The following CCDC186 variants were observed in gnomAD, a reference collection of about 807,000 sequenced individuals.
The protein encoded by CCDC186 is coiled-coil domain containing 186, also known as coiled-coil domain-containing protein 186.
In CCDC186, 49 loss-of-function variants were observed where a neutral mutation model predicts 113.7. The ratio of observed to expected loss-of-function variants is 0.43; its 90% confidence interval spans 0.34 to 0.55. The LOEUF (loss-of-function observed/expected upper bound fraction) is 0.55. CCDC186 is among the 20% of genes least tolerant of loss of function. The pLI is 0.02. For missense variants in CCDC186, 890 were observed against 1,011.1 expected (o/e 0.88, Z 1.62); for synonymous variants, 355 against 345.8 (o/e 1.03, Z -0.30).
At chr10:114,133,816 G>A (rs2031169342) in intron 10 of CCDC186, among the ~76,000 whole-genome samples, 1 of 152,196 alleles carries the variant, frequency 6.6e-6, no homozygotes, top group South Asian at 2.1e-4. Context: ...CATAGGAAGT[G>A]AGGAAACGGA....
At chr10:114,173,384 G>A (rs1021079188) in intron 1 of CCDC186, 2 of 313,426 alleles carry the variant, frequency 6.4e-6, no homozygotes, top group Non-Finnish European at 1.3e-5. Context: ...AAGGGTTTTT[G>A]TTTTGTTTTT....
intron 11 of CCDC186, 60 bp downstream of exon 11, chr10:114,131,869 T>C (rs1461884476): frequency 6.9e-6 from 10 of 1,448,796 alleles, no homozygotes; most frequent in Non-Finnish European, 9.2e-6. Flanking sequence ...TTTATACTGT[T>C]AGGGAAATTT....
In CCDC186 at chr10:114,149,826, C is replaced by CAGGA. The variant is rs1256884667; in HGVS notation, c.888+1262_888+1265dup. Among the ~76,000 whole-genome samples the CAGGA allele has an allele frequency of 3.8e-3, 435 of 114,592 alleles. 13 individuals are homozygous for CAGGA. The highest frequency in any genetic ancestry group is 0.017 in the African/African-American group (418 of 24,942). 75.2% of individuals were successfully genotyped at this position (114,592 alleles called of 152,430 possible). A position where few individuals can be genotyped will look rare whatever the true frequency, so the allele number is the denominator to read the frequency against. ...GAAGGAAGGAAGGAAGGCAGGAAGG[C>CAGGA]AGGAAGGCAGGAAGGCAGGCAGGCA... is the stretch of plus-strand genomic sequence containing the variant. On this transcript the variant is annotated intron_variant, in intron 4 of 15. Coordinates refer to ENST00000369287, the MANE Select transcript of CCDC186 (RefSeq NM_018017.4).
intron 10 of CCDC186, among the ~76,000 whole-genome samples, chr10:114,132,608 T>C (rs1188631785): frequency 6.6e-6 from 1 of 152,212 alleles, no homozygotes; most frequent in Non-Finnish European, 1.5e-5. Flanking sequence ...CTATGAAAAC[T>C]GCCACAGATA....
At chr10:114,149,569 G>A (rs868075728) in intron 4 of CCDC186, among the ~76,000 whole-genome samples, 16 of 12,252 alleles carry the variant, frequency 1.3e-3, no homozygotes, top group South Asian at 7.0e-3. Context: ...AAAGGAAAGG[G>A]AAGGGAAGGG....
chr10:114,143,405 T>C (rs1350950845), intron 6 of CCDC186, among the ~76,000 whole-genome samples: 2 of 152,204 alleles, frequency 1.3e-5, no homozygotes, highest in South Asian at 2.1e-4. Context: ...TGAGAATCAT[T>C]ACTGTTTTTA....
At chr10:114,129,666 A>G (rs921432802) in intron 13 of CCDC186, among the ~76,000 whole-genome samples, 1 of 152,030 alleles carries the variant, frequency 6.6e-6, no homozygotes, top group African/African-American at 2.4e-5. Context: ...AGTAGCTGGG[A>G]TTGCAGGCGT....
chr10:114,129,196 AAGTGCCTAT>A (rs1262401044), intron 13 of CCDC186, among the ~76,000 whole-genome samples: 1 of 152,118 alleles, frequency 6.6e-6, no homozygotes, highest in Non-Finnish European at 1.5e-5. Context: ...GCGTGGTGGC[AAGTGCCTAT>A]AGTTCCGGTT....
At position 114,132,105 on chromosome 10, in the gene CCDC186, C is replaced by G; in HGVS notation, c.1735G>C (p.Glu579Gln). Residue 579 changes from glutamate to glutamine, a missense_variant, in exon 11 of 16, where the codon GAA (glutamate) becomes CAA (glutamine). Coordinates refer to ENST00000369287, the MANE Select transcript of CCDC186 (RefSeq NM_018017.4). ...TCAGATTCTCTTTTCCTACTGCCTT[C>G]GATGTCTTTTTGTAGGTCATTAATC... ...SLINDLQKDI[E>Q]GSRKRESELL... The G allele has an allele frequency of 6.2e-7, 1 of 1,613,252 alleles. No homozygotes were observed. Among genetic ancestry groups the G allele is most frequent in the Non-Finnish European group, 8.5e-7 (1 of 1,179,642 alleles).
chr10:114,172,202 A>T (rs1341380358), intron 1 of CCDC186, among the ~76,000 whole-genome samples: 1 of 152,248 alleles, frequency 6.6e-6, no homozygotes, highest in African/African-American at 2.4e-5. Flanking sequence ...TTGAGAAACT[A>T]GTGCAGATTA....
Position 114,121,101 on chromosome 10 carries a change from A to G in CCDC186, c.*4042T>C, listed in dbSNP as rs1391981618. On this transcript the variant is annotated 3_prime_UTR_variant, in exon 16 of 16. Coordinates refer to ENST00000369287, the MANE Select transcript of CCDC186 (RefSeq NM_018017.4). ...AAAAGAATTCCATTCCAGAAGAAAA[A>G]TACATCTCTAATATACAATTATATT... 6.6e-6 allele frequency: 1 copy of G among 152,160 alleles called. No individual in the cohort carries two copies. Among genetic ancestry groups the G allele is most frequent in the South Asian group, 2.1e-4 (1 of 4,836 alleles). The allele number at this position is 152,160 out of a possible 1,614,324, so 9.4% of individuals were successfully genotyped here.
chr10:114,129,139 C>CA (rs1229052195), intron 13 of CCDC186, among the ~76,000 whole-genome samples: 2 of 151,826 alleles, frequency 1.3e-5, no homozygotes, highest in East Asian at 1.9e-4. Context: ...CTTGTCTATA[C>CA]AAAAAACAAA....
chr10:114,136,164 T>G lies in CCDC186; in HGVS notation c.1409A>C (p.Lys470Thr). ...ACTACTCACCTCTAGCTGGTCAGAT[T>G]TTTCTTGCATTTGTTTTTCAAGTTC... is the stretch of plus-strand genomic sequence containing the variant. ...KGELEKQMQE[K>T]SDQLEMHHAK... The change falls in exon 8 of 16, where the codon AAA (lysine) becomes ACA (threonine). Residue 470 changes from lysine to threonine, a missense_variant. Physicochemically the swap from Lys to Thr is moderately conservative, Grantham distance 78. Coordinates refer to ENST00000369287, the MANE Select transcript of CCDC186 (RefSeq NM_018017.4). 1 of 1,612,880 alleles carries G rather than the reference T, an allele frequency of 6.2e-7. No individual in the cohort carries two copies. The highest frequency in any genetic ancestry group is 8.5e-7 in the Non-Finnish European group (1 of 1,179,478).
intron 10 of CCDC186, among the ~76,000 whole-genome samples, chr10:114,134,101 T>C (rs1589610574): frequency 2.0e-5 from 3 of 152,172 alleles, no homozygotes; most frequent in Admixed American, 1.3e-4. Flanking sequence ...TCTTCCATGA[T>C]AACAGCAGAA....
At position 114,162,004 on chromosome 10, in the gene CCDC186, G is replaced by T. The variant is rs577857485; in HGVS notation, c.632+633C>A. On this transcript the variant is annotated intron_variant, in intron 2 of 15. Coordinates refer to ENST00000369287, the MANE Select transcript of CCDC186 (RefSeq NM_018017.4). ...AAACTCAGCAACAGAAAGTAGAATG[G>T]TGGTTGCCAGGGACTGAGGGCAAGT... 1.2e-4 allele frequency: 18 copies of T among 152,234 alleles called. No individual in the cohort carries two copies. In the South Asian group the frequency reaches 3.7e-3, roughly 32 times the overall value. 9.4% of individuals were successfully genotyped at this position (152,234 alleles called of 1,614,324 possible).
intron 4 of CCDC186, among the ~76,000 whole-genome samples, chr10:114,150,727 C>T (rs889658226): frequency 1.3e-5 from 2 of 152,160 alleles, no homozygotes; most frequent in African/African-American, 2.4e-5. Flanking sequence ...CGGCTCACTG[C>T]AACCTCCGCC....
rs879313007 is a variant in CCDC186 at position 114,162,799 on chromosome 10, G to A, written c.470C>T (p.Ser157Leu). The A allele has an allele frequency of 4.3e-6, 7 of 1,613,834 alleles. No homozygotes were observed. In the Admixed American group the frequency reaches 1.2e-4, roughly 27 times the overall value. Reference protein sequence around the residue: ...KKFISKIKSVSASEDLLEEIE... With the variant: ...KKFISKIKSVLASEDLLEEIE... Reference sequence around the variant, plus strand: ...TTCTTCCAACAAATCCTCTGATGCTGAAACGCTCTTTATTTTTGAAATAAA... The same window carrying A: ...TTCTTCCAACAAATCCTCTGATGCTAAAACGCTCTTTATTTTTGAAATAAA... The change falls in exon 2 of 16, where the codon TCA (serine) becomes TTA (leucine). Residue 157 changes from serine to leucine, a missense_variant. Transcript: ENST00000369287.
intron 12 of CCDC186, 126 bp from the exon 13 acceptor site, chr10:114,130,097 C>G: frequency 1.4e-6 from 1 of 708,532 alleles, no homozygotes; most frequent in Non-Finnish European, 2.4e-6. Context: ...TGAATACATA[C>G]TTTAGGCAGA....
At position 114,124,713 on chromosome 10, in the gene CCDC186, T is replaced by C. The variant is rs1473922395; in HGVS notation, c.*430A>G. 1 of 153,798 alleles carries C rather than the reference T, an allele frequency of 6.5e-6. No individual in the cohort carries two copies. The highest frequency in any genetic ancestry group is 1.4e-5 in the Non-Finnish European group (1 of 69,174). 9.5% of individuals were successfully genotyped at this position (153,798 alleles called of 1,614,324 possible). On this transcript the variant is annotated 3_prime_UTR_variant, in exon 16 of 16. Transcript: ENST00000369287. ...AAATAAACATTTTTATCATTTGTTT[T>C]AGTTGTCTTGATGTTGGAGAAATAG...
Sources: gnomAD v4.1 joint callset for allele counts (sites outside exome capture counted in the v4.1 genomes callset) on GRCh38, gnomAD v4.1.1 for gene constraint, MANE v1.5 for transcripts, NCBI Gene and HGNC (gene_info 2026-07-23, HGNC 2026-07-21) for gene names.